NCOA1: variants seen among roughly 807,000 people sequenced by gnomAD.
NCOA1 encodes Hin-2 protein.
Under a neutral mutation model 150.9 loss-of-function variants are expected in NCOA1, and 35 were observed. The ratio of observed to expected loss-of-function variants is 0.23; its 90% CI spans 0.18 to 0.31. The LOEUF (loss-of-function observed/expected upper bound fraction) is 0.31. NCOA1 is among the 10% of genes least tolerant of loss of function. The pLI is 1.00. For missense variants in NCOA1, 1,491 were observed against 1,749.3 expected (o/e 0.85, Z 2.63); for synonymous variants, 590 against 630.0 (o/e 0.94, Z 0.95).
chr2:24,510,524 G>A (rs1217052992), intron 1 of NCOA1, among the ~76,000 whole-genome samples: 1 of 151,802 alleles, frequency 6.6e-6, no homozygotes, highest in South Asian at 2.1e-4. Flanking sequence ...TAAATTTTTT[G>A]TTAAGATGGG....
At chr2:24,640,626 C>T (rs1358600541) in intron 3 of NCOA1, among the ~76,000 whole-genome samples, 4 of 152,020 alleles carry the variant, frequency 2.6e-5, no homozygotes, top group African/African-American at 9.7e-5. Context: ...TGGGCAAGAC[C>T]CCATCTCTAA....
chr2:24,501,824 G>A (rs1663474854), intron 1 of NCOA1, among the ~76,000 whole-genome samples: 1 of 152,082 alleles, frequency 6.6e-6, no homozygotes, highest in Non-Finnish European at 1.5e-5. Context: ...TTTCTGAAAG[G>A]GTCCATGACC....
At chr2:24,618,441 A>T (rs1322925023) in intron 3 of NCOA1, among the ~76,000 whole-genome samples, 2 of 152,216 alleles carry the variant, frequency 1.3e-5, no homozygotes, top group Non-Finnish European at 2.9e-5. Context: ...TGTGAATGTT[A>T]TTCCTTGTAA....
At chr2:24,618,988 A>G in intron 3 of NCOA1, among the ~76,000 whole-genome samples, 1 of 152,190 alleles carries the variant, frequency 6.6e-6, no homozygotes, top group East Asian at 1.9e-4. Flanking sequence ...ACTTATGATT[A>G]AAAATTTGAT....
chr2:24,513,389 C>CA (rs1437622462), intron 1 of NCOA1, among the ~76,000 whole-genome samples: 1 of 152,156 alleles, frequency 6.6e-6, no homozygotes, highest in Non-Finnish European at 1.5e-5. Flanking sequence ...TATGCTCTTG[C>CA]AGTACCCTTT....
At chr2:24,556,320 CATG>C (rs1666068812) in intron 1 of NCOA1, among the ~76,000 whole-genome samples, 1 of 152,236 alleles carries the variant, frequency 6.6e-6, no homozygotes, top group Non-Finnish European at 1.5e-5. Context: ...CTGCAAAAGA[CATG>C]ATCTCATTCT....
chr2:24,562,972 G>A (rs1247363121), intron 1 of NCOA1, among the ~76,000 whole-genome samples: 1 of 152,192 alleles, frequency 6.6e-6, no homozygotes, highest in Non-Finnish European at 1.5e-5. Flanking sequence ...TTGCTTGGGA[G>A]GGTCTGGAAG....
intron 3 of NCOA1, among the ~76,000 whole-genome samples, chr2:24,585,841 T>C (rs1201104658): frequency 6.6e-6 from 1 of 152,232 alleles, no homozygotes. Flanking sequence ...TTAATGTTAT[T>C]GTAGCTTTAA....
chr2:24,655,720 A>G (rs976322688), intron 4 of NCOA1, among the ~76,000 whole-genome samples: 1 of 152,204 alleles, frequency 6.6e-6, no homozygotes, highest in Non-Finnish European at 1.5e-5. Flanking sequence ...GTAGTCCAGC[A>G]AAAGAGTTAA....
chr2:24,698,480 AG>A (rs1673004256), intron 11 of NCOA1, among the ~76,000 whole-genome samples: 1 of 152,172 alleles, frequency 6.6e-6, no homozygotes, highest in Non-Finnish European at 1.5e-5. Flanking sequence ...GTATCATGGA[AG>A]TATAAGATAT....
At chr2:24,539,706 G>A (rs1045421763) in intron 1 of NCOA1, among the ~76,000 whole-genome samples, 11 of 152,170 alleles carry the variant, frequency 7.2e-5, no homozygotes, top group African/African-American at 2.7e-4. Flanking sequence ...ATGTGGCCAT[G>A]TATAGACACA....
intron 1 of NCOA1, among the ~76,000 whole-genome samples, chr2:24,492,374 A>G (rs72803254): frequency 0.052 from 7,949 of 152,220 alleles, 290 homozygotes; most frequent in East Asian, 0.2. Flanking sequence ...AAGACCTGAA[A>G]AAATCGGACA....
intron 7 of NCOA1, among the ~76,000 whole-genome samples, chr2:24,681,801 G>A (rs1188044794): frequency 1.3e-5 from 2 of 149,104 alleles, no homozygotes; most frequent in Non-Finnish European, 1.5e-5. Context: ...TGCAAGCTCC[G>A]CCTCCCGGGT....
chr2:24,495,766 A>C (rs1379285693), intron 1 of NCOA1, among the ~76,000 whole-genome samples: 1 of 152,200 alleles, frequency 6.6e-6, no homozygotes, highest in African/African-American at 2.4e-5. Context: ...TAGCTCTTCC[A>C]GATACTTAGG....
At chr2:24,651,544 T>C (rs1392024070) in intron 4 of NCOA1, among the ~76,000 whole-genome samples, 1 of 151,998 alleles carries the variant, frequency 6.6e-6, no homozygotes, top group Non-Finnish European at 1.5e-5. Flanking sequence ...ATTGCCATAG[T>C]GGGGAAAAAT....
At chr2:24,683,213 T>C in intron 8 of NCOA1, 85 bp downstream of exon 8, 1 of 770,470 alleles carries the variant, frequency 1.3e-6, no homozygotes, top group South Asian at 3.8e-5. Context: ...ATTATTATAT[T>C]TATAATACAC....
intron 3 of NCOA1, among the ~76,000 whole-genome samples, chr2:24,609,788 A>ACT (rs1668542028): frequency 6.6e-6 from 1 of 151,778 alleles, no homozygotes; most frequent in African/African-American, 2.4e-5. Context: ...CTCAGTTTTC[A>ACT]GTCATTCTTT....
At chr2:24,536,486 G>A (rs1665148697) in intron 1 of NCOA1, among the ~76,000 whole-genome samples, 1 of 152,168 alleles carries the variant, frequency 6.6e-6, no homozygotes, top group South Asian at 2.1e-4. Context: ...ATCCAGCTCT[G>A]TTCCGTTCCT....
At chr2:24,573,550 A>G (rs914748641) in intron 2 of NCOA1, among the ~76,000 whole-genome samples, 1 of 152,144 alleles carries the variant, frequency 6.6e-6, no homozygotes, top group Non-Finnish European at 1.5e-5. Flanking sequence ...TAAAACCTGC[A>G]TTGATGATTT....
Sources: gnomAD v4.1 joint callset for allele counts (sites outside exome capture counted in the v4.1 genomes callset) on GRCh38, gnomAD v4.1.1 for gene constraint, MANE v1.5 for transcripts, NCBI Gene and HGNC (gene_info 2026-07-23, HGNC 2026-07-21) for gene names.